CSMD1: variants seen among roughly 807,000 people sequenced by gnomAD.
The protein encoded by CSMD1 is CUB and sushi domain-containing protein 1.
In CSMD1, 213 loss-of-function variants were observed where a neutral mutation model predicts 417.5. That is an observed-to-expected ratio of 0.51 (90% CI 0.46 to 0.57). The LOEUF (loss-of-function observed/expected upper bound fraction) is 0.57. Among genes scored for constraint, CSMD1 ranks in the 20% least tolerant of loss-of-function variants. The pLI, the probability that CSMD1 is intolerant of heterozygous loss-of-function variation, is 0.00. For missense variants in CSMD1, 6,923 were observed against 4,529.7 expected (o/e 1.53, Z -15.17); for synonymous variants, 2,862 against 1,736.8 (o/e 1.65, Z -16.11).
chr8:4,621,602 T>TGG (rs1392947191), intron 2 of CSMD1, among the ~76,000 whole-genome samples: 2 of 152,108 alleles, frequency 1.3e-5, no homozygotes, highest in East Asian at 3.9e-4. Flanking sequence ...TTTTCTGTCT[T>TGG]AAATTTTATC....
chr8:3,387,463 C>G, intron 18 of CSMD1, 31 bp downstream of exon 18: 3 of 1,557,182 alleles, frequency 1.9e-6, no homozygotes, highest in Non-Finnish European at 2.6e-6. Context: ...GCACACCCTG[C>G]TGGTGCATTG....
At chr8:4,274,944 G>T (rs190323258) in intron 3 of CSMD1, among the ~76,000 whole-genome samples, 65 of 152,220 alleles carry the variant, frequency 4.3e-4, no homozygotes, top group African/African-American at 1.5e-3. Flanking sequence ...ATTTTCTTGA[G>T]AGCCATCAAC....
chr8:3,736,758 T>G (rs1226839006), intron 6 of CSMD1, among the ~76,000 whole-genome samples: 1 of 152,150 alleles, frequency 6.6e-6, no homozygotes, highest in Admixed American at 6.5e-5. Flanking sequence ...AATCATTAGG[T>G]GTGTCGTTTT....
At chr8:3,603,557 C>G (rs1478894681) in intron 8 of CSMD1, among the ~76,000 whole-genome samples, 1 of 152,116 alleles carries the variant, frequency 6.6e-6, no homozygotes, top group African/African-American at 2.4e-5. Flanking sequence ...GAAATAAGAT[C>G]ATGTTTGAGT....
At chr8:3,578,080 GT>G (rs1299563179) in intron 9 of CSMD1, among the ~76,000 whole-genome samples, 1 of 152,168 alleles carries the variant, frequency 6.6e-6, no homozygotes, top group Non-Finnish European at 1.5e-5. Flanking sequence ...GAATTTCATA[GT>G]GGAGAGAGAA....
At chr8:3,260,862 G>T (rs909426339) in intron 26 of CSMD1, among the ~76,000 whole-genome samples, 1 of 152,160 alleles carries the variant, frequency 6.6e-6, no homozygotes, top group African/African-American at 2.4e-5. Context: ...GGAAAGACAA[G>T]CTACAGACTG....
rs374975084 is a variant in CSMD1 at position 4,691,273 on chromosome 8, G to A, written c.86-53715C>T. 1.5e-3 allele frequency among the ~76,000 whole-genome samples: 223 copies of A among 152,214 alleles called. 12 individuals carry two copies. In the South Asian group the frequency reaches 0.042, roughly 29 times the overall value. ...CAACCTGTCAGCAGAATGAATAGGT[G>A]GAGAGTGTGAATTTCAGCTGTAAGC... On this transcript the variant is annotated intron_variant, in intron 1 of 69. Coordinates refer to ENST00000635120, the MANE Select transcript of CSMD1 (RefSeq NM_033225.6).
chr8:3,679,120 T>C (rs1799525121), intron 7 of CSMD1, among the ~76,000 whole-genome samples: 2 of 151,970 alleles, frequency 1.3e-5, no homozygotes, highest in African/African-American at 2.4e-5. Flanking sequence ...AAGAAAACTG[T>C]ATCAACTAAT....
chr8:4,091,406 T>C (rs1800713768), intron 3 of CSMD1, among the ~76,000 whole-genome samples: 1 of 152,212 alleles, frequency 6.6e-6, no homozygotes, highest in Non-Finnish European at 1.5e-5. Flanking sequence ...AATGAAGTTA[T>C]CAATTTTCTT....
Position 2,936,520 on chromosome 8 carries a change from C to G in CSMD1, c.*2065G>C, listed in dbSNP as rs1585021588. The G allele has an allele frequency of 6.6e-6, 1 of 152,058 alleles. No individual in the cohort carries two copies. The highest frequency in any genetic ancestry group is 1.5e-5 in the Non-Finnish European group (1 of 68,016). 9.4% of individuals were successfully genotyped at this position (152,058 alleles called of 1,614,324 possible). A position where few individuals can be genotyped will look rare whatever the true frequency, so the allele number is the denominator to read the frequency against. ...AGCACGACTCCCGCTGACCTCGTCC[C>G]GTCTACTGTGAAACAGCAATGTAAG... On this transcript the variant is annotated 3_prime_UTR_variant, in exon 70 of 70. Coordinates refer to ENST00000635120, the MANE Select transcript of CSMD1 (RefSeq NM_033225.6).
chr8:3,874,816 A>G (rs1358340865), intron 5 of CSMD1, among the ~76,000 whole-genome samples: 1 of 152,124 alleles, frequency 6.6e-6, no homozygotes, highest in Non-Finnish European at 1.5e-5. Context: ...GACACACACC[A>G]AAGACGGGGT....
At chr8:3,609,522 C>T (rs762166553) in intron 8 of CSMD1, among the ~76,000 whole-genome samples, 5 of 152,046 alleles carry the variant, frequency 3.3e-5, no homozygotes, top group East Asian at 1.9e-4. Context: ...AGGTTGTCTA[C>T]GGAAAAGGGA....
intron 9 of CSMD1, among the ~76,000 whole-genome samples, chr8:3,579,244 G>C (rs900319713): frequency 1.3e-5 from 2 of 152,162 alleles, no homozygotes; most frequent in African/African-American, 4.8e-5. Context: ...ACCAATTTTG[G>C]ATGCCAATGC....
intron 18 of CSMD1, among the ~76,000 whole-genome samples, chr8:3,377,685 T>C (rs1453810007): frequency 1.3e-5 from 2 of 152,194 alleles, no homozygotes; most frequent in East Asian, 3.9e-4. Context: ...CTCCTGGTAA[T>C]TCTGCTCATA....
chr8:3,575,377 A>T (rs556474153), intron 9 of CSMD1, among the ~76,000 whole-genome samples: 3 of 152,262 alleles, frequency 2.0e-5, no homozygotes, highest in South Asian at 2.1e-4. Flanking sequence ...AGCCCATTTC[A>T]AATCCCAGTG....
intron 2 of CSMD1, among the ~76,000 whole-genome samples, chr8:4,597,340 G>A (rs1000673758): frequency 6.6e-6 from 1 of 152,110 alleles, no homozygotes; most frequent in African/African-American, 2.4e-5. Context: ...AAGCAGGAGA[G>A]ATGGCACTCT....
intron 11 of CSMD1, among the ~76,000 whole-genome samples, chr8:3,470,124 G>C (rs535010451): frequency 6.6e-6 from 1 of 152,210 alleles, no homozygotes; most frequent in Admixed American, 6.5e-5. Context: ...CCTTCTCCCA[G>C]TCACCATCCT....
intron 1 of CSMD1, among the ~76,000 whole-genome samples, chr8:4,667,894 T>C (rs185322403): frequency 6.6e-6 from 1 of 152,346 alleles, no homozygotes; most frequent in East Asian, 1.9e-4. Flanking sequence ...TGGAATTGAA[T>C]AGCAGTGGTT....
intron 9 of CSMD1, among the ~76,000 whole-genome samples, chr8:3,582,396 A>G (rs1002935689): frequency 6.6e-6 from 1 of 152,220 alleles, no homozygotes; most frequent in Admixed American, 6.5e-5. Context: ...AGGGTTCCTA[A>G]AAGTTGCCAA....
Sources: gnomAD v4.1 joint callset for allele counts (sites outside exome capture counted in the v4.1 genomes callset) on GRCh38, gnomAD v4.1.1 for gene constraint, MANE v1.5 for transcripts, NCBI Gene and HGNC (gene_info 2026-07-23, HGNC 2026-07-21) for gene names.